The following SKIC3 variants were observed in gnomAD, a reference collection of about 807,000 sequenced individuals.
SKIC3 encodes the protein SKI3 subunit of superkiller complex, also known as superkiller complex protein 3.
chr5:95,552,775 ATGT>A, the SKIC3 span, among the ~76,000 whole-genome samples: 1 of 152,122 alleles, frequency 6.6e-6, no homozygotes, highest in African/African-American at 2.4e-5. Context: ...ATTAGCAAAA[ATGT>A]TGTACGTTCA....
chr5:95,554,328 C>T, the SKIC3 span, among the ~76,000 whole-genome samples: 1 of 152,098 alleles, frequency 6.6e-6, no homozygotes, highest in Non-Finnish European at 1.5e-5. Context: ...ATTATATACC[C>T]GAAACTAGAT....
the SKIC3 span, among the ~76,000 whole-genome samples, chr5:95,480,076 T>G: frequency 6.6e-6 from 1 of 152,006 alleles, no homozygotes; most frequent in South Asian, 2.1e-4. Context: ...TCCTGCAATA[T>G]TCACAAAGAT....
chr5:95,482,364 C>T, the SKIC3 span: 1 of 1,152,386 alleles, frequency 8.7e-7, no homozygotes, highest in Non-Finnish European at 1.3e-6. Context: ...TGAGAGATAA[C>T]ATGGTGAGAG....
chr5:95,522,078 C>G, the SKIC3 span: 4 of 1,613,608 alleles, frequency 2.5e-6, no homozygotes, highest in Non-Finnish European at 3.4e-6. Flanking sequence ...ACATAATCTT[C>G]TTTCTTTTTA....
chr5:95,539,105 T>C, the SKIC3 span, among the ~76,000 whole-genome samples: 1 of 152,226 alleles, frequency 6.6e-6, no homozygotes, highest in Non-Finnish European at 1.5e-5. Context: ...CCTCTGTGAA[T>C]TTAAAATTGT....
chr5:95,465,961 T>C, the SKIC3 span, among the ~76,000 whole-genome samples: 5 of 152,348 alleles, frequency 3.3e-5, no homozygotes, highest in East Asian at 7.7e-4. Flanking sequence ...CCAACATTCA[T>C]ATATGTTCCA....
At chr5:95,522,318 A>G in the SKIC3 span, 3 of 1,612,692 alleles carry the variant, frequency 1.9e-6, no homozygotes, top group Non-Finnish European at 2.5e-6. Context: ...CTAAAATTTA[A>G]AAAACCGTAA....
the SKIC3 span, chr5:95,522,283 G>C: frequency 6.2e-7 from 1 of 1,613,508 alleles, no homozygotes; most frequent in Middle Eastern, 1.7e-4. Context: ...AGTCCTTTGG[G>C]TCTGCTCTTA....
At chr5:95,553,567 GT>G in the SKIC3 span, among the ~76,000 whole-genome samples, 5 of 148,514 alleles carry the variant, frequency 3.4e-5, no homozygotes, top group Admixed American at 6.7e-5. Flanking sequence ...TTTTGTTTTT[GT>G]TTTTTTTTTG....
At chr5:95,477,033 A>G in the SKIC3 span, among the ~76,000 whole-genome samples, 20 of 152,214 alleles carry the variant, frequency 1.3e-4, no homozygotes, top group Admixed American at 4.6e-4. Flanking sequence ...GTAAAAAGTA[A>G]TAAGTTATGC....
the SKIC3 span, among the ~76,000 whole-genome samples, chr5:95,500,266 T>C: frequency 2.0e-5 from 3 of 152,206 alleles, no homozygotes; most frequent in African/African-American, 7.2e-5. Context: ...GTAGTATCAC[T>C]AGAGACAAAG....
chr5:95,517,366 A>C, the SKIC3 span: 1 of 1,586,880 alleles, frequency 6.3e-7, no homozygotes, highest in Non-Finnish European at 8.6e-7. Context: ...ATTTATAAAA[A>C]GCATGAAGTT....
chr5:95,514,784 T>A, the SKIC3 span: 2 of 1,496,176 alleles, frequency 1.3e-6, no homozygotes, highest in Non-Finnish European at 1.8e-6. Flanking sequence ...ACCATTATTA[T>A]CACTGTTATG....
the SKIC3 span, chr5:95,523,718 T>TA: frequency 6.2e-7 from 1 of 1,613,764 alleles, no homozygotes; most frequent in Non-Finnish European, 8.5e-7. Flanking sequence ...CAGTGTCATC[T>TA]AATTCAAAGG....
the SKIC3 span, among the ~76,000 whole-genome samples, chr5:95,474,151 T>C: frequency 6.6e-6 from 1 of 152,210 alleles, no homozygotes; most frequent in Admixed American, 6.5e-5. Flanking sequence ...CCAATGCAAT[T>C]TATTGAATAG....
At chr5:95,498,737 T>G in the SKIC3 span, 1 of 749,082 alleles carries the variant, frequency 1.3e-6, no homozygotes, top group Non-Finnish European at 2.2e-6. Context: ...GCCATTCTCC[T>G]GCCTCAGCCT....
chr5:95,470,093 T>C, the SKIC3 span, among the ~76,000 whole-genome samples: 1 of 151,678 alleles, frequency 6.6e-6, no homozygotes, highest in Admixed American at 6.6e-5. Flanking sequence ...TTCTCCTGCC[T>C]CAGCCTCCGG....
the SKIC3 span, among the ~76,000 whole-genome samples, chr5:95,534,867 T>C: frequency 6.6e-6 from 1 of 152,208 alleles, no homozygotes; most frequent in Admixed American, 6.5e-5. Flanking sequence ...AGTATTGATC[T>C]CTCATCTGCA....
the SKIC3 span, among the ~76,000 whole-genome samples, chr5:95,491,243 A>G: frequency 4.9e-4 from 75 of 152,166 alleles, no homozygotes; most frequent in African/African-American, 1.8e-3. Context: ...TTTTCCAAAC[A>G]TATCAGAGGA....
Sources: gnomAD v4.1 joint callset for allele counts (sites outside exome capture counted in the v4.1 genomes callset) on GRCh38, gnomAD v4.1.1 for gene constraint, MANE v1.5 for transcripts, NCBI Gene and HGNC (gene_info 2026-07-23, HGNC 2026-07-21) for gene names.